The following NELL1 variants were observed in gnomAD, a reference collection of about 807,000 sequenced individuals.
The protein encoded by NELL1 is neural EGFL like 1.
In NELL1, 76 loss-of-function variants were observed where a neutral mutation model predicts 107.4. The ratio of observed to expected loss-of-function variants is 0.71; its 90% CI spans 0.59 to 0.86. The LOEUF is 0.86. Ranked by LOEUF, NELL1 falls within the 40% of genes least tolerant of loss-of-function variation. The probability of loss-of-function intolerance (pLI) is 0.00; values close to 1 mark genes in which losing one functional copy is unlikely to be tolerated. For synonymous variants in NELL1, 353 were observed against 341.2 expected (o/e 1.03, Z -0.38); for missense variants, 1,024 against 1,005.5 (o/e 1.02, Z -0.25).
chr11:21,045,927 T>G (rs373451851), intron 12 of NELL1, among the ~76,000 whole-genome samples: 3 of 152,192 alleles, frequency 2.0e-5, no homozygotes, highest in East Asian at 3.8e-4. Flanking sequence ...GAATATTTCT[T>G]GTTAATGTTA....
At chr11:21,083,216 G>T (rs1854310114) in intron 12 of NELL1, among the ~76,000 whole-genome samples, 1 of 152,190 alleles carries the variant, frequency 6.6e-6, no homozygotes, top group African/African-American at 2.4e-5. Context: ...GGGGCCATTG[G>T]AGGAAAATGA....
At chr11:21,077,387 T>G (rs1441612129) in intron 12 of NELL1, among the ~76,000 whole-genome samples, 1 of 152,064 alleles carries the variant, frequency 6.6e-6, no homozygotes, top group African/African-American at 2.4e-5. Context: ...AAGTCAATAA[T>G]CTGAGATGAT....
At chr11:21,302,691 G>C (rs1800771999) in intron 14 of NELL1, among the ~76,000 whole-genome samples, 1 of 151,902 alleles carries the variant, frequency 6.6e-6, no homozygotes, top group Admixed American at 6.6e-5. Flanking sequence ...TAACTCATGT[G>C]CTGATTAGAC....
intron 2 of NELL1, among the ~76,000 whole-genome samples, chr11:20,722,769 A>G (rs982313226): frequency 6.6e-6 from 1 of 152,188 alleles, no homozygotes; most frequent in Non-Finnish European, 1.5e-5. Flanking sequence ...AGCAAGCCAT[A>G]GTTGCCTGGC....
At chr11:21,258,597 C>A (rs888997267) in intron 14 of NELL1, among the ~76,000 whole-genome samples, 1 of 151,784 alleles carries the variant, frequency 6.6e-6, no homozygotes, top group South Asian at 2.1e-4. Flanking sequence ...GCCTATTCAG[C>A]CCTTCAACTG....
chr11:20,912,846 T>C (rs1850162236), intron 5 of NELL1, among the ~76,000 whole-genome samples: 1 of 152,182 alleles, frequency 6.6e-6, no homozygotes, highest in South Asian at 2.1e-4. Flanking sequence ...GAAGCTATAT[T>C]GGATGCCTCC....
intron 15 of NELL1, among the ~76,000 whole-genome samples, chr11:21,523,394 T>C (rs1855776094): frequency 6.6e-6 from 1 of 152,064 alleles, no homozygotes; most frequent in African/African-American, 2.4e-5. Context: ...CTATTTTGCA[T>C]TTTTTTAAAT....
At chr11:21,452,331 G>T (rs529102464) in intron 15 of NELL1, among the ~76,000 whole-genome samples, 1 of 152,200 alleles carries the variant, frequency 6.6e-6, no homozygotes, top group East Asian at 1.9e-4. Context: ...CAGGTGTTTT[G>T]GTTGTGGTAG....
At chr11:21,377,173 C>T (rs1279487182) in intron 15 of NELL1, among the ~76,000 whole-genome samples, 4 of 151,960 alleles carry the variant, frequency 2.6e-5, no homozygotes, top group Non-Finnish European at 5.9e-5. Context: ...ATGATGTTGG[C>T]TGTGGATTTG....
chr11:20,774,221 C>T (rs1856703013), intron 2 of NELL1, among the ~76,000 whole-genome samples: 1 of 120,080 alleles, frequency 8.3e-6, no homozygotes, highest in Admixed American at 8.5e-5. Flanking sequence ...TCCCTCCCTC[C>T]TTCCCTTCCT....
chr11:21,391,223 CTT>C (rs1851870298), intron 15 of NELL1, among the ~76,000 whole-genome samples: 1 of 151,722 alleles, frequency 6.6e-6, no homozygotes, highest in Admixed American at 6.6e-5. Flanking sequence ...TTTTGAGAAA[CTT>C]AATATTGTCC....
At chr11:21,279,776 G>C (rs1202989559) in intron 14 of NELL1, among the ~76,000 whole-genome samples, 1 of 152,182 alleles carries the variant, frequency 6.6e-6, no homozygotes, top group Admixed American at 6.5e-5. Context: ...AGATTGTTTA[G>C]AGCAGCTTTA....
chr11:20,760,856 C>A (rs1023539765), intron 2 of NELL1, among the ~76,000 whole-genome samples: 1 of 152,126 alleles, frequency 6.6e-6, no homozygotes, highest in African/African-American at 2.4e-5. Context: ...ATTTAAATGC[C>A]ACTGCCAGAT....
At chr11:20,921,513 T>C (rs575102648) in intron 7 of NELL1, among the ~76,000 whole-genome samples, 7 of 152,154 alleles carry the variant, frequency 4.6e-5, no homozygotes, top group African/African-American at 1.7e-4. Flanking sequence ...AGAAAGTTCA[T>C]GGTTTGACAA....
chr11:21,247,572 G>T (rs1378704249), intron 14 of NELL1, among the ~76,000 whole-genome samples: 1 of 152,152 alleles, frequency 6.6e-6, no homozygotes, highest in East Asian at 1.9e-4. Flanking sequence ...ACGCATGGAG[G>T]TGTCATCTCC....
intron 13 of NELL1, among the ~76,000 whole-genome samples, chr11:21,216,027 T>A (rs1046879703): frequency 6.6e-6 from 1 of 152,124 alleles, no homozygotes; most frequent in East Asian, 1.9e-4. Context: ...AATGGTTTCC[T>A]GGGCCAGGTC....
At chr11:20,814,400 G>A (rs1198842486) in intron 3 of NELL1, among the ~76,000 whole-genome samples, 1 of 152,180 alleles carries the variant, frequency 6.6e-6, no homozygotes, top group Non-Finnish European at 1.5e-5. Flanking sequence ...CTGTCACCCA[G>A]GTGCTGAGCA....
At chr11:20,733,652 C>A (rs892241149) in intron 2 of NELL1, among the ~76,000 whole-genome samples, 1 of 152,130 alleles carries the variant, frequency 6.6e-6, no homozygotes, top group African/African-American at 2.4e-5. Context: ...ATTGAGGCTA[C>A]AGCAATGACC....
intron 15 of NELL1, among the ~76,000 whole-genome samples, chr11:21,475,314 G>A (rs578055626): frequency 6.6e-5 from 10 of 152,216 alleles, no homozygotes; most frequent in Non-Finnish European, 1.2e-4. Context: ...CTGAGAAAAT[G>A]TTATTTATGT....
Sources: gnomAD v4.1 joint callset for allele counts (sites outside exome capture counted in the v4.1 genomes callset) on GRCh38, gnomAD v4.1.1 for gene constraint, MANE v1.5 for transcripts, NCBI Gene and HGNC (gene_info 2026-07-23, HGNC 2026-07-21) for gene names.